The following ZNF587 variants were observed in gnomAD, a reference collection of about 807,000 sequenced individuals.
The protein encoded by ZNF587 is zinc finger protein 587, also known as zinc finger protein zfp6.
A neutral mutation model predicts 7.5 loss-of-function variants in ZNF587; 8 were observed. That is an observed-to-expected ratio of 1.06 (90% CI 0.62 to 1.92). ZNF587 has a LOEUF of 1.92. Among genes scored for constraint, ZNF587 ranks in the 40% most tolerant of loss-of-function variants. ZNF587 has a pLI of 0.00. For missense variants in ZNF587, 468 were observed against 692.8 expected (o/e 0.68, Z 3.64); for synonymous variants, 145 against 237.8 (o/e 0.61, Z 3.59).
rs112735698 is a variant in ZNF587, at chr19:57,862,524, A to G, written c.*2384A>G. ...AGATAATCTCCAGTCCCTGTGCAGA[A>G]ACTGTCATTGCACTTTCTGCTGAAA... On this transcript the variant is annotated 3_prime_UTR_variant, in exon 3 of 3. Coordinates refer to ENST00000339656, the MANE Select transcript of ZNF587 (RefSeq NM_032828.4). 2 of 154,624 alleles carry G rather than the reference A, an allele frequency of 1.3e-5. No individual in the cohort carries two copies. Among genetic ancestry groups the G allele is most frequent in the African/African-American group, 4.8e-5 (2 of 41,486 alleles). The allele number at this position is 154,624 out of a possible 1,614,324, so 9.6% of individuals were successfully genotyped here.
chr19:57,855,958 G>A, intron 1 of ZNF587, 146 bp from the exon 2 acceptor site: 1 of 1,405,018 alleles, frequency 7.1e-7, no homozygotes, highest in South Asian at 1.4e-5. Context: ...GCAGGCCCAT[G>A]AAGAGACAAA....
In ZNF587 at chr19:57,860,197, G is replaced by C. The variant is rs751514406; in HGVS notation, c.*57G>C. Reference sequence around the variant, plus strand: ...GCATCCCGTCTCGTTAAACACAGGAGAGTTCATACTGGAGAAAGGCCTTAT... The same window carrying C: ...GCATCCCGTCTCGTTAAACACAGGACAGTTCATACTGGAGAAAGGCCTTAT... On this transcript the variant is annotated 3_prime_UTR_variant, in exon 3 of 3. Coordinates refer to ENST00000339656, the MANE Select transcript of ZNF587 (RefSeq NM_032828.4). 1.4e-5 allele frequency: 22 copies of C among 1,613,682 alleles called. No homozygotes were observed. The highest frequency in any genetic ancestry group is 1.3e-4 in the South Asian group (12 of 91,038).
chr19:57,859,756 G>A lies in ZNF587; in HGVS notation c.1344G>A (p.Lys448=), dbSNP rs746401746. The change falls in exon 3 of 3, where the codon AAG becomes AAA. Residue 448 remains lysine, a synonymous_variant. Transcript: ENST00000339656. ...AATGTGGGAAATTATTTAACAGGAA[G>A]TATCATCTTCTGGTTCATGAGAGAG... ...CRECGKLFNR[K]YHLLVHERVH... 18 of 1,613,698 alleles carry A rather than the reference G, an allele frequency of 1.1e-5. No individual in the cohort carries two copies. Among genetic ancestry groups the A allele is most frequent in the East Asian group, 8.9e-5 (4 of 44,876 alleles).
rs929377308 is a variant in ZNF587 at position 57,863,399 on chromosome 19, A to T, written c.*3259A>T. 6.6e-6 allele frequency: 1 copy of T among 152,412 alleles called. No individual in the cohort carries two copies. The allele number at this position is 152,412 out of a possible 1,614,324, so 9.4% of individuals were successfully genotyped here. The stretch of plus-strand genomic sequence containing the variant: ...CCAAAGTGCTGGAATTACAGGCGTG[A>T]GCCACTGCACCTGGCCTGTATTCTT... On this transcript the variant is annotated 3_prime_UTR_variant, in exon 3 of 3. Coordinates refer to ENST00000339656, the MANE Select transcript of ZNF587 (RefSeq NM_032828.4).
rs2071255363 is a variant in ZNF587, at chr19:57,849,867, C to T, written c.-172C>T. On this transcript the variant is annotated 5_prime_UTR_variant, in exon 1 of 3. Transcript: ENST00000339656. ...AGACTTCCGGGGTCTCTAGTAGCGG[C>T]TGTGTATCGGCGATGCGGGTGTTTC... 6.7e-7 allele frequency: 1 copy of T among 1,488,252 alleles called. No individual in the cohort carries two copies. Among genetic ancestry groups the T allele is most frequent in the Non-Finnish European group, 8.9e-7 (1 of 1,118,362 alleles). The allele number at this position is 1,488,252 out of a possible 1,614,324, so 92.2% of individuals were successfully genotyped here. A position where few individuals can be genotyped will look rare whatever the true frequency, so the allele number is the denominator to read the frequency against.
rs2071413611 is a variant in ZNF587, at chr19:57,859,931, CTTCATG to C, written c.1525_1530del (p.Val509_His510del). 9 of 1,614,104 alleles carry C rather than the reference CTTCATG, an allele frequency of 5.6e-6. No individual in the cohort carries two copies. The East Asian group carries it at 1.6e-4, about 28-fold the overall frequency. On this transcript the variant is annotated inframe_deletion, in exon 3 of 3. Transcript: ENST00000339656. ...GAAATCATTTCTTTCCAGCTCTGCGCTTCATGTTCATAAAAGAGTTCATTCTGGACA... is the reference window on the plus strand; with the variant it reads ...GAAATCATTTCTTTCCAGCTCTGCGCTTCATAAAAGAGTTCATTCTGGACA...
chr19:57,860,251 A>G lies in ZNF587; in HGVS notation c.*111A>G. 2 of 1,577,280 alleles carry G rather than the reference A, an allele frequency of 1.3e-6. No individual in the cohort carries two copies. Among genetic ancestry groups the G allele is most frequent in the East Asian group, 2.2e-5 (1 of 44,588 alleles). ...TGCTGTCAATGTGGAAAACATCAGAATGTCTGCTGTCCTCGGTCTTAAGCG... is the reference window on the plus strand; with the variant it reads ...TGCTGTCAATGTGGAAAACATCAGAGTGTCTGCTGTCCTCGGTCTTAAGCG... On this transcript the variant is annotated 3_prime_UTR_variant, in exon 3 of 3. Transcript: ENST00000339656.
chr19:57,858,536 G>C (rs369698166), intron 2 of ZNF587, 40 bp from the exon 3 acceptor site: 1 of 1,589,008 alleles, frequency 6.3e-7, no homozygotes, highest in Non-Finnish European at 8.6e-7. Context: ...CCTTCCCGCC[G>C]GAGGTACTTT....
chr19:57,855,173 G>A (rs1376162957), intron 1 of ZNF587, among the ~76,000 whole-genome samples: 1 of 151,308 alleles, frequency 6.6e-6, no homozygotes, highest in Non-Finnish European at 1.5e-5. Flanking sequence ...GACACAGCAA[G>A]ACTCCGTCTC....
Position 57,864,828 on chromosome 19 carries a change from CA to C in ZNF587, c.*4689del, listed in dbSNP as rs1293678276. On this transcript the variant is annotated 3_prime_UTR_variant, in exon 3 of 3. Transcript: ENST00000339656. ...TATGTTCACACAAAACCTTTGTAATCAGGGGGAATTAAAGAGCCTTCCTGGA... is the reference window on the plus strand; with the variant it reads ...TATGTTCACACAAAACCTTTGTAATCGGGGGAATTAAAGAGCCTTCCTGGA... 1.3e-5 allele frequency: 2 copies of C among 151,986 alleles called. No individual in the cohort carries two copies. The highest frequency in any genetic ancestry group is 2.9e-5 in the Non-Finnish European group (2 of 67,988). 9.4% of individuals were successfully genotyped at this position (151,986 alleles called of 1,614,324 possible).
chr19:57,859,337 G>A lies in ZNF587; in HGVS notation c.925G>A (p.Gly309Ser). The change falls in exon 3 of 3, where the codon GGC (glycine) becomes AGC (serine). Residue 309 changes from glycine to serine, a missense_variant. By Grantham distance (56) the Gly-to-Ser change is moderately conservative. Around this residue, in one of 5 missense-constraint regions of ZNF587, gnomAD observed 310 missense variants for 325.6 expected, o/e 0.95. Coordinates refer to ENST00000339656, the MANE Select transcript of ZNF587 (RefSeq NM_032828.4). ...EECGKSFSQK[G>S]SLISHQLVHT... ...GTGCGGGAAATCTTTTAGTCAGAAG[G>A]GCAGCCTTATTAGCCATCAGCTTGT... The A allele has an allele frequency of 1.2e-6, 2 of 1,608,386 alleles. No homozygotes were observed. The highest frequency in any genetic ancestry group is 8.5e-7 in the Non-Finnish European group (1 of 1,178,692).
At position 57,861,240 on chromosome 19, in the gene ZNF587, T is replaced by G. The variant is rs1200439595; in HGVS notation, c.*1100T>G. On this transcript the variant is annotated 3_prime_UTR_variant, in exon 3 of 3. Coordinates refer to ENST00000339656, the MANE Select transcript of ZNF587 (RefSeq NM_032828.4). ...TACCATCAGTGTCCAAGAATTTCTG[T>G]TCTATCTTACCAAGAGGGAGTATGG... is the stretch of plus-strand genomic sequence containing the variant. 3 of 152,224 alleles carry G rather than the reference T, an allele frequency of 2.0e-5. No individual in the cohort carries two copies. The allele number at this position is 152,224 out of a possible 1,614,324, so 9.4% of individuals were successfully genotyped here.
Position 57,859,583 on chromosome 19 carries a change from C to T in ZNF587, c.1171C>T (p.Gln391Ter). ...KCGECGKSFG[Q>*]KGNLVHHQRG... ...TGGAGAATGTGGGAAATCTTTTGGT[C>T]AAAAGGGCAACCTCGTTCACCATCA... The change falls in exon 3 of 3, where the codon CAA becomes TAA. Residue 391 changes from glutamine (Q) to a stop codon, truncating the protein, a stop_gained. Coordinates refer to ENST00000339656, the MANE Select transcript of ZNF587 (RefSeq NM_032828.4). LOFTEE classifies it low-confidence loss of function (END_TRUNC). The T allele has an allele frequency of 6.2e-7, 1 of 1,613,370 alleles. No individual in the cohort carries two copies. The highest frequency in any genetic ancestry group is 8.5e-7 in the Non-Finnish European group (1 of 1,179,866).
At chr19:57,853,244 C>G (rs2071305972) in intron 1 of ZNF587, among the ~76,000 whole-genome samples, 1 of 152,312 alleles carries the variant, frequency 6.6e-6, no homozygotes, top group Non-Finnish European at 1.5e-5. Flanking sequence ...TGTAACCATG[C>G]ACACTGCTTC....
chr19:57,850,726 C>T (rs932678748), intron 1 of ZNF587: 7 of 396,300 alleles, frequency 1.8e-5, no homozygotes, highest in Admixed American at 8.8e-5. Context: ...CCTGGCGGCC[C>T]AGAGCTCTTG....
At position 57,860,387 on chromosome 19, in the gene ZNF587, G is replaced by T. The variant is rs1221047056; in HGVS notation, c.*247G>T. ...GGGTTCATGCAATCCTCCTACCTCA[G>T]CCTCCTGAGTAGCTGGGATTATGAG... On this transcript the variant is annotated 3_prime_UTR_variant, in exon 3 of 3. Coordinates refer to ENST00000339656, the MANE Select transcript of ZNF587 (RefSeq NM_032828.4). 5 of 616,514 alleles carry T rather than the reference G, an allele frequency of 8.1e-6. No individual in the cohort carries two copies. The highest frequency in any genetic ancestry group is 1.4e-5 in the Non-Finnish European group (5 of 360,182). The allele number at this position is 616,514 out of a possible 1,614,324, so 38.2% of individuals were successfully genotyped here.
At chr19:57,853,968 C>T (rs1045694073) in intron 1 of ZNF587, 1 of 152,132 alleles carries the variant, frequency 6.6e-6, no homozygotes, top group African/African-American at 2.4e-5. Context: ...GCTGACCAGG[C>T]TAGTCTTGAA....
chr19:57,861,001 G>T lies in ZNF587; in HGVS notation c.*861G>T, dbSNP rs1354691985. Reference sequence around the variant, plus strand: ...GCCTCCCGAGTAGCAGGGATTACCGGTGTGCACCACCATGCCTGGATAACT... The same window carrying T: ...GCCTCCCGAGTAGCAGGGATTACCGTTGTGCACCACCATGCCTGGATAACT... On this transcript the variant is annotated 3_prime_UTR_variant, in exon 3 of 3. Coordinates refer to ENST00000339656, the MANE Select transcript of ZNF587 (RefSeq NM_032828.4). The T allele has an allele frequency of 6.6e-6, 1 of 152,014 alleles. No homozygotes were observed. The highest frequency in any genetic ancestry group is 2.4e-5 in the African/African-American group (1 of 41,356). 9.4% of individuals were successfully genotyped at this position (152,014 alleles called of 1,614,324 possible). A position where few individuals can be genotyped will look rare whatever the true frequency, so the allele number is the denominator to read the frequency against.
At position 57,859,833 on chromosome 19, in the gene ZNF587, G is replaced by A. The variant is rs2071412281; in HGVS notation, c.1421G>A (p.Gly474Asp). 2 of 1,614,114 alleles carry A rather than the reference G, an allele frequency of 1.2e-6. No homozygotes were observed. Among genetic ancestry groups the A allele is most frequent in the Non-Finnish European group, 1.7e-6 (2 of 1,180,026 alleles). ...YACEVCGKLF[G>D]NKHSVTIHQR... ...TGTGAGGTATGTGGGAAATTATTTG[G>A]CAATAAGCACAGCGTGACTATACAT... The change falls in exon 3 of 3, where the codon GGC becomes GAC. Residue 474 changes from glycine (G) to aspartate (D), a missense_variant. By Grantham distance (94) the Gly-to-Asp change is moderately conservative. Coordinates refer to ENST00000339656, the MANE Select transcript of ZNF587 (RefSeq NM_032828.4).
Sources: allele counts gnomAD v4.1 joint callset (sites outside exome capture counted in the v4.1 genomes callset), GRCh38; gene constraint gnomAD v4.1.1; regional missense constraint gnomAD v4.1.1; transcripts MANE v1.5; gene names NCBI Gene and HGNC (gene_info 2026-07-23, HGNC 2026-07-21).